PCDHGA9: variants seen among roughly 807,000 people sequenced by gnomAD.
The protein encoded by PCDHGA9 is protocadherin gamma-A9.
A neutral mutation model predicts 62.5 loss-of-function variants in PCDHGA9; 37 were observed. That is an observed-to-expected ratio of 0.59 (90% CI 0.46 to 0.78). The LOEUF is 0.78. PCDHGA9 is among the 30% of genes least tolerant of loss of function. The pLI is 0.00. For missense variants in PCDHGA9, 1,138 were observed against 1,166.2 expected (o/e 0.98, Z 0.35); for synonymous variants, 459 against 484.6 (o/e 0.95, Z 0.69).
chr5:141,436,118 T>C (rs188307595), intron 1 of PCDHGA9, among the ~76,000 whole-genome samples: 5 of 152,310 alleles, frequency 3.3e-5, no homozygotes, highest in Admixed American at 2.0e-4. Flanking sequence ...ATGAAACCTC[T>C]CTCCTCCATC....
intron 1 of PCDHGA9, among the ~76,000 whole-genome samples, chr5:141,434,451 A>C (rs145324240): frequency 6.6e-6 from 1 of 152,210 alleles, no homozygotes; most frequent in Non-Finnish European, 1.5e-5. Context: ...GCTGGAAGGT[A>C]GTGGGTTTAC....
Position 141,485,444 on chromosome 5 carries a change from G to T in PCDHGA9, c.2425-9363G>T. 1 of 1,614,108 alleles carries T rather than the reference G, an allele frequency of 6.2e-7. No homozygotes were observed. The highest frequency in any genetic ancestry group is 8.5e-7 in the Non-Finnish European group (1 of 1,180,020). ...AGCCCTGCTCATCAAGAACCCAATC[G>T]ACCGAGAGGCACTGTGTGGGCTCAG... is the stretch of plus-strand genomic sequence containing the variant. On this transcript the variant is annotated intron_variant, in intron 1 of 3. Coordinates refer to ENST00000573521, the MANE Select transcript of PCDHGA9 (RefSeq NM_018921.3). This position sits in a 1 kb window ranked among gnomAD's most constrained non-coding sequence, Gnocchi z 5.7.
At chr5:141,410,191 C>T in intron 1 of PCDHGA9, 1 of 1,613,994 alleles carries the variant, frequency 6.2e-7, no homozygotes, top group Non-Finnish European at 8.5e-7. Context: ...TTCATCTGGT[C>T]TTCGCAGACA....
chr5:141,485,682 A>G lies in PCDHGA9; in HGVS notation c.2425-9125A>G, dbSNP rs779441999. Reference sequence around the variant, plus strand: ...GTGGGGAGCAATTCGATTAGCAGCTATAGGCTGAGCTCCAATGAACACTTT... The same window carrying G: ...GTGGGGAGCAATTCGATTAGCAGCTGTAGGCTGAGCTCCAATGAACACTTT... On this transcript the variant is annotated intron_variant, in intron 1 of 3. Coordinates refer to ENST00000573521, the MANE Select transcript of PCDHGA9 (RefSeq NM_018921.3). This position sits in a 1 kb window ranked among gnomAD's most constrained non-coding sequence, Gnocchi z 5.7. 6.2e-7 allele frequency: 1 copy of G among 1,614,076 alleles called. No homozygotes were observed. Among genetic ancestry groups the G allele is most frequent in the Non-Finnish European group, 8.5e-7 (1 of 1,179,964 alleles).
intron 1 of PCDHGA9, among the ~76,000 whole-genome samples, chr5:141,462,993 T>A (rs1350208420): frequency 1.3e-5 from 2 of 152,164 alleles, no homozygotes; most frequent in African/African-American, 4.8e-5. Flanking sequence ...TTGGGCTAAT[T>A]TAGACCTACC....
intron 1 of PCDHGA9, chr5:141,419,325 A>G (rs1490162008): frequency 6.2e-7 from 1 of 1,613,586 alleles, no homozygotes; most frequent in Non-Finnish European, 8.5e-7. Flanking sequence ...CGTGTCTCCT[A>G]CTCTCTCATT....
At chr5:141,430,811 A>G (rs1193066300) in intron 1 of PCDHGA9, 1 of 1,527,400 alleles carries the variant, frequency 6.5e-7, no homozygotes. Flanking sequence ...CCTGCTGGGA[A>G]TCCTCCTGGG....
intron 2 of PCDHGA9, among the ~76,000 whole-genome samples, chr5:141,497,721 G>A (rs2099778948): frequency 6.6e-6 from 1 of 152,006 alleles, no homozygotes; most frequent in African/African-American, 2.4e-5. Flanking sequence ...TGTATTTTTA[G>A]TAGAGATGGG....
intron 1 of PCDHGA9, among the ~76,000 whole-genome samples, chr5:141,429,880 G>A (rs1209368869): frequency 6.6e-6 from 1 of 152,104 alleles, no homozygotes; most frequent in Non-Finnish European, 1.5e-5. Context: ...CTTTTACTAA[G>A]TTTCCTGAAC....
In PCDHGA9 at chr5:141,404,153, T is replaced by G; in HGVS notation, c.1201T>G (p.Tyr401Asp). Reference protein sequence around the residue: ...SFTLENSEEDYYRLLTAQILD... With the variant: ...SFTLENSEEDDYRLLTAQILD... ...TACATTAGAAAATTCAGAAGAAGAT[T>G]ATTACAGATTGTTGACGGCCCAAAT... Residue 401 changes from tyrosine to aspartate, a missense_variant, in exon 1 of 4, where the codon TAT (tyrosine) becomes GAT (aspartate). Tyr to Asp is a radical substitution (Grantham distance 160). Transcript: ENST00000573521. The G allele has an allele frequency of 6.2e-7, 1 of 1,613,010 alleles. No homozygotes were observed. The highest frequency in any genetic ancestry group is 8.5e-7 in the Non-Finnish European group (1 of 1,179,388).
At chr5:141,421,225 G>A in intron 1 of PCDHGA9, 1 of 1,584,302 alleles carries the variant, frequency 6.3e-7, no homozygotes. Flanking sequence ...CTTAGAGCCT[G>A]CCATGGCGAA....
chr5:141,448,956 C>A (rs2098619571), intron 1 of PCDHGA9, among the ~76,000 whole-genome samples: 1 of 151,948 alleles, frequency 6.6e-6, no homozygotes, highest in Non-Finnish European at 1.5e-5. Context: ...AAAAAACAAA[C>A]AAACAAACAA....
At chr5:141,419,886 G>C (rs1195529127) in intron 1 of PCDHGA9, 1 of 1,614,076 alleles carries the variant, frequency 6.2e-7, no homozygotes, top group Non-Finnish European at 8.5e-7. Context: ...CCGGATTTCA[G>C]CGACCATCCC....
Position 141,491,445 on chromosome 5 carries a change from C to G in PCDHGA9, c.2425-3362C>G. ...GAGGGCAGTGCTGCAGGCGCCAGGACTCACCCTCCCCGGACTTCTATAAGC... is the reference window on the plus strand; with the variant it reads ...GAGGGCAGTGCTGCAGGCGCCAGGAGTCACCCTCCCCGGACTTCTATAAGC... On this transcript the variant is annotated intron_variant, in intron 1 of 3. Coordinates refer to ENST00000573521, the MANE Select transcript of PCDHGA9 (RefSeq NM_018921.3). This position sits in a 1 kb window ranked among gnomAD's most constrained non-coding sequence, Gnocchi z 6.9. 6.2e-7 allele frequency: 1 copy of G among 1,614,112 alleles called. No individual in the cohort carries two copies. Among genetic ancestry groups the G allele is most frequent in the Non-Finnish European group, 8.5e-7 (1 of 1,180,032 alleles).
At chr5:141,419,554 T>C (rs775925543) in intron 1 of PCDHGA9, 1 of 1,612,006 alleles carries the variant, frequency 6.2e-7, no homozygotes, top group Non-Finnish European at 8.5e-7. Flanking sequence ...TGCTGTACCC[T>C]GCGCTGGGTC....
Position 141,490,943 on chromosome 5 carries a change from G to A in PCDHGA9, c.2425-3864G>A, listed in dbSNP as rs1035375216. The A allele has an allele frequency of 6.8e-6, 11 of 1,613,470 alleles. No homozygotes were observed. The East Asian group carries it at 1.1e-4, about 16-fold the overall frequency. On this transcript the variant is annotated intron_variant, in intron 1 of 3. Coordinates refer to ENST00000573521, the MANE Select transcript of PCDHGA9 (RefSeq NM_018921.3). This position sits in a 1 kb window ranked among gnomAD's most constrained non-coding sequence, Gnocchi z 5.4. Reference sequence around the variant, plus strand: ...AATGCCCCAGCTGTGCTGCACCCACGGCCAGACTGGGAACACTCAGCCCCC... The same window carrying A: ...AATGCCCCAGCTGTGCTGCACCCACAGCCAGACTGGGAACACTCAGCCCCC...
At chr5:141,424,129 T>G in intron 1 of PCDHGA9, 1 of 492,066 alleles carries the variant, frequency 2.0e-6, no homozygotes, top group Non-Finnish European at 2.7e-6. Context: ...TCCTGTTGAT[T>G]TAATAGCATG....
At position 141,413,842 on chromosome 5, in the gene PCDHGA9, G is replaced by T. The variant is rs1181086477; in HGVS notation, c.2424+8466G>T. 6.2e-6 allele frequency: 10 copies of T among 1,613,176 alleles called. No homozygotes were observed. In the Admixed American group the frequency reaches 1.7e-4, roughly 27 times the overall value. The stretch of plus-strand genomic sequence containing the variant: ...GGTCCTCACCGCCTCCGACGGGGGT[G>T]ACCCTCTCCGATCTGGCACTGTCCT... On this transcript the variant is annotated intron_variant, in intron 1 of 3. Transcript: ENST00000573521.
intron 1 of PCDHGA9, chr5:141,419,579 C>A: frequency 6.2e-7 from 1 of 1,611,812 alleles, no homozygotes; most frequent in Non-Finnish European, 8.5e-7. Flanking sequence ...CGGCTCCGCG[C>A]TCTTCGACAC....
Sources: allele counts gnomAD v4.1 joint callset (sites outside exome capture counted in the v4.1 genomes callset), GRCh38; gene constraint gnomAD v4.1.1; non-coding constraint Gnocchi (gnomAD v3.1); transcripts MANE v1.5; gene names NCBI Gene and HGNC (gene_info 2026-07-23, HGNC 2026-07-21).